Variants in MARCHF1 observed in about 807,000 individuals in gnomAD.
The protein encoded by MARCHF1 is E3 ubiquitin-protein ligase MARCHF1.
A neutral mutation model predicts 54.2 loss-of-function variants in MARCHF1; 40 were observed. The observed-to-expected ratio is 0.74, with a 90% confidence interval of 0.57 to 0.96. The LOEUF is 0.96. Ranked by LOEUF, MARCHF1 falls within the 40% of genes least tolerant of loss-of-function variation. The pLI is 0.00. For synonymous variants in MARCHF1, 236 were observed against 236.3 expected (o/e 1.00, Z 0.01); for missense variants, 586 against 656.5 (o/e 0.89, Z 1.17).
At chr4:163,792,485 T>G (rs74926209) in intron 4 of MARCHF1, among the ~76,000 whole-genome samples, 1 of 152,230 alleles carries the variant, frequency 6.6e-6, no homozygotes, top group Non-Finnish European at 1.5e-5. Flanking sequence ...TTGCATTTCA[T>G]ATTTAATATT....
intron 1 of MARCHF1, among the ~76,000 whole-genome samples, chr4:164,370,333 C>T (rs543753164): frequency 5.9e-5 from 9 of 152,296 alleles, no homozygotes; most frequent in Admixed American, 5.9e-4. Context: ...AGGGAAGAAA[C>T]AGTATTATAG....
At chr4:164,359,798 T>C (rs1457781718) in intron 1 of MARCHF1, among the ~76,000 whole-genome samples, 4 of 152,098 alleles carry the variant, frequency 2.6e-5, no homozygotes, top group Non-Finnish European at 4.4e-5. Flanking sequence ...AGTCCATCTC[T>C]CCAGTAAACA....
intron 1 of MARCHF1, among the ~76,000 whole-genome samples, chr4:164,242,053 G>A (rs1311955192): frequency 6.6e-6 from 1 of 152,208 alleles, no homozygotes; most frequent in African/African-American, 2.4e-5. Context: ...GCAGGGGGAG[G>A]GGCGCCCGCC....
intron 1 of MARCHF1, among the ~76,000 whole-genome samples, chr4:164,346,604 GTATATA>G (rs56936775): frequency 1.6e-4 from 7 of 42,592 alleles, no homozygotes; most frequent in East Asian, 9.6e-4. Flanking sequence ...ATGTATGTAT[GTATATA>G]TATATATATA....
At chr4:163,583,226 G>A (rs982873081) in intron 8 of MARCHF1, among the ~76,000 whole-genome samples, 1 of 152,180 alleles carries the variant, frequency 6.6e-6, no homozygotes, top group Non-Finnish European at 1.5e-5. Context: ...TCCACTGGTT[G>A]TTGTCATATG....
chr4:163,929,973 A>AATATATTTATATAAATATAT (rs1560823848), intron 3 of MARCHF1, among the ~76,000 whole-genome samples: 1 of 125,396 alleles, frequency 8.0e-6, no homozygotes, highest in African/African-American at 3.1e-5. Context: ...AATATATATA[A>AATATATTTATATAAATATAT]TATATATAAT....
chr4:163,713,395 T>G (rs1191622458), intron 4 of MARCHF1, among the ~76,000 whole-genome samples: 1 of 152,176 alleles, frequency 6.6e-6, no homozygotes, highest in Admixed American at 6.5e-5. Flanking sequence ...TGTGGTGCAA[T>G]CCTAGGCAAG....
intron 1 of MARCHF1, chr4:164,190,418 T>C (rs112970980): frequency 1.1e-5 from 5 of 454,550 alleles, no homozygotes; most frequent in African/African-American, 8.1e-5. Flanking sequence ...AAGTCAAGTC[T>C]TAAATGTAAT....
intron 2 of MARCHF1, among the ~76,000 whole-genome samples, chr4:163,993,549 G>C (rs1286389036): frequency 2.0e-5 from 3 of 152,062 alleles, no homozygotes; most frequent in African/African-American, 4.8e-5. Context: ...TTACAACATA[G>C]CCAAGACATT....
intron 1 of MARCHF1, among the ~76,000 whole-genome samples, chr4:164,203,445 G>A (rs1290496863): frequency 1.3e-5 from 2 of 152,160 alleles, no homozygotes; most frequent in East Asian, 3.8e-4. Flanking sequence ...TGCAGTTCAA[G>A]TCTAAAGGCT....
At chr4:163,654,602 C>T (rs1328641046) in intron 5 of MARCHF1, among the ~76,000 whole-genome samples, 1 of 151,456 alleles carries the variant, frequency 6.6e-6, no homozygotes, top group African/African-American at 2.4e-5. Context: ...CTATAGTGTT[C>T]CTCTTCATCT....
At chr4:163,848,320 T>A (rs1204667265) in intron 4 of MARCHF1, among the ~76,000 whole-genome samples, 1 of 152,194 alleles carries the variant, frequency 6.6e-6, no homozygotes, top group South Asian at 2.1e-4. Flanking sequence ...GCAAGTCACC[T>A]CTATCAAACA....
rs1446388339 is a variant in MARCHF1, at chr4:164,145,724, G to A, written c.-322-34062C>T. The stretch of plus-strand genomic sequence containing the variant: ...ACCCACAGCCAATATCATACTGAAT[G>A]GGCAAAAACTGGAAGCATTCCCTTT... On this transcript the variant is annotated intron_variant, in intron 1 of 9. Coordinates refer to ENST00000514618, the MANE Select transcript of MARCHF1 (RefSeq NM_001394959.1). 2.7e-5 allele frequency among the ~76,000 whole-genome samples: 4 copies of A among 149,010 alleles called. No homozygotes were observed. The East Asian group carries it at 7.8e-4, about 29-fold the overall frequency.
At chr4:163,675,943 A>T (rs1394012471) in intron 5 of MARCHF1, among the ~76,000 whole-genome samples, 1 of 152,146 alleles carries the variant, frequency 6.6e-6, no homozygotes, top group Non-Finnish European at 1.5e-5. Flanking sequence ...ACAAACAAAG[A>T]TGCCTATTTT....
intron 1 of MARCHF1, among the ~76,000 whole-genome samples, chr4:164,126,585 G>T (rs960280405): frequency 6.6e-6 from 1 of 152,184 alleles, no homozygotes; most frequent in African/African-American, 2.4e-5. Flanking sequence ...GAAGAGTTTT[G>T]AAATACGTTG....
intron 1 of MARCHF1, among the ~76,000 whole-genome samples, chr4:164,378,051 T>G (rs1256435444): frequency 6.6e-6 from 1 of 152,246 alleles, no homozygotes; most frequent in Non-Finnish European, 1.5e-5. Flanking sequence ...AGGACAGTAT[T>G]CTGATAAAAC....
intron 2 of MARCHF1, among the ~76,000 whole-genome samples, chr4:164,085,139 G>A (rs1301637999): frequency 6.6e-6 from 1 of 151,690 alleles, no homozygotes; most frequent in Non-Finnish European, 1.5e-5. Flanking sequence ...ATATCCCAAA[G>A]TACAGGATTG....
At chr4:164,379,897 G>C (rs1731318753) in intron 1 of MARCHF1, among the ~76,000 whole-genome samples, 1 of 151,832 alleles carries the variant, frequency 6.6e-6, no homozygotes, top group Non-Finnish European at 1.5e-5. Flanking sequence ...TCAGTAAGCA[G>C]TGATTGCGCC....
intron 5 of MARCHF1, among the ~76,000 whole-genome samples, chr4:163,694,253 G>T (rs915170946): frequency 6.6e-6 from 1 of 152,122 alleles, no homozygotes; most frequent in East Asian, 1.9e-4. Context: ...ATCCCTTTGG[G>T]TCCCTCTCAC....
Sources: gnomAD v4.1 joint callset for allele counts (sites outside exome capture counted in the v4.1 genomes callset) on GRCh38, gnomAD v4.1.1 for gene constraint, MANE v1.5 for transcripts, NCBI Gene and HGNC (gene_info 2026-07-23, HGNC 2026-07-21) for gene names.